Variants in OSBPL8 observed in about 807,000 individuals in gnomAD.
OSBPL8 encodes oxysterol-binding protein-related protein 8.
In OSBPL8, 59 loss-of-function variants were observed where a neutral mutation model predicts 125.5. The observed-to-expected ratio is 0.47, with a 90% confidence interval of 0.38 to 0.58. The LOEUF (loss-of-function observed/expected upper bound fraction) is 0.58, where lower values mean the gene tolerates loss of function less well. Ranked by LOEUF, OSBPL8 falls within the 20% of genes least tolerant of loss-of-function variation. The probability of loss-of-function intolerance (pLI) is 0.00; values close to 1 mark genes in which losing one functional copy is unlikely to be tolerated. For synonymous variants in OSBPL8, 330 were observed against 338.9 expected (o/e 0.97, Z 0.29); for missense variants, 758 against 1,047.8 (o/e 0.72, Z 3.82).
intron 4 of OSBPL8, among the ~76,000 whole-genome samples, chr12:76,414,889 T>C (rs1440057972): frequency 1.3e-5 from 2 of 152,208 alleles, no homozygotes; most frequent in East Asian, 3.8e-4. Flanking sequence ...CTGCTTTTAA[T>C]CTGTTAGTGT....
chr12:76,426,039 G>A (rs925765576), intron 4 of OSBPL8, among the ~76,000 whole-genome samples: 26 of 152,252 alleles, frequency 1.7e-4, no homozygotes, highest in African/African-American at 6.3e-4. Flanking sequence ...GAGGCCAATG[G>A]CCTGAGGCTG....
intron 1 of OSBPL8, among the ~76,000 whole-genome samples, chr12:76,542,059 T>C (rs1950659220): frequency 6.6e-6 from 1 of 151,682 alleles, no homozygotes; most frequent in Non-Finnish European, 1.5e-5. Flanking sequence ...TAATCCCAGC[T>C]ACACGGGAGG....
chr12:76,371,580 C>T lies in OSBPL8; in HGVS notation c.1922G>A (p.Ser641Asn), dbSNP rs1181920276. 6.3e-7 allele frequency: 1 copy of T among 1,589,546 alleles called. No homozygotes were observed. The highest frequency in any genetic ancestry group is 8.6e-7 in the Non-Finnish European group (1 of 1,167,460). The change falls in exon 19 of 24, where the codon AGT becomes AAT. Residue 641 changes from serine to asparagine, a missense_variant. Ser to Asn is a conservative substitution (Grantham distance 46). Coordinates refer to ENST00000261183, the MANE Select transcript of OSBPL8 (RefSeq NM_020841.5). ...VLATLEGHWD[S>N]EVFITDKKTD... ...CTTTTTATCAGTAATAAAAACTTCACTATCCTATATTTAAAAAAATTCAAA... is the reference window on the plus strand; with the variant it reads ...CTTTTTATCAGTAATAAAAACTTCATTATCCTATATTTAAAAAAATTCAAA...
intron 1 of OSBPL8, among the ~76,000 whole-genome samples, chr12:76,525,946 G>A (rs1950159106): frequency 6.6e-6 from 1 of 152,196 alleles, no homozygotes; most frequent in South Asian, 2.1e-4. Flanking sequence ...TCCCTGAAGG[G>A]AGAGTTACTA....
chr12:76,372,840 T>C (rs1952670702), intron 18 of OSBPL8, among the ~76,000 whole-genome samples: 1 of 152,166 alleles, frequency 6.6e-6, no homozygotes, highest in Non-Finnish European at 1.5e-5. Context: ...ATAACTCTAA[T>C]TGGAACTATG....
At chr12:76,479,548 TAAAG>T (rs1246543401) in intron 2 of OSBPL8, among the ~76,000 whole-genome samples, 2 of 152,232 alleles carry the variant, frequency 1.3e-5, no homozygotes, top group East Asian at 1.9e-4. Context: ...TATTACCACA[TAAAG>T]AGAGAGAATC....
chr12:76,395,369 T>C (rs1953747809), intron 8 of OSBPL8, among the ~76,000 whole-genome samples: 1 of 152,204 alleles, frequency 6.6e-6, no homozygotes, highest in Non-Finnish European at 1.5e-5. Flanking sequence ...GAAAACTAAG[T>C]ACTGAATTTA....
At chr12:76,453,195 G>C (rs1328684546) in intron 3 of OSBPL8, among the ~76,000 whole-genome samples, 1 of 151,970 alleles carries the variant, frequency 6.6e-6, no homozygotes. Context: ...CTCAGGTCCT[G>C]GTAAACTTCC....
chr12:76,447,789 CA>C (rs1872890458), intron 4 of OSBPL8, among the ~76,000 whole-genome samples: 1 of 152,124 alleles, frequency 6.6e-6, no homozygotes, highest in Non-Finnish European at 1.5e-5. Context: ...TCAGGTAATC[CA>C]CCCGCCTTGG....
chr12:76,390,352 C>T (rs1356567307), intron 11 of OSBPL8, 68 bp downstream of exon 11: 4 of 1,178,674 alleles, frequency 3.4e-6, no homozygotes, highest in African/African-American at 1.5e-5. Flanking sequence ...CAAATAATAT[C>T]TTCAATTTCA....
chr12:76,537,568 C>G (rs74105510), intron 1 of OSBPL8, among the ~76,000 whole-genome samples: 1,637 of 152,098 alleles, frequency 0.011, 38 homozygotes, highest in African/African-American at 0.038. Context: ...TGAGAGAAAT[C>G]TACAGAAATG....
intron 1 of OSBPL8, among the ~76,000 whole-genome samples, chr12:76,533,310 A>C (rs150097645): frequency 6.6e-6 from 1 of 152,298 alleles, no homozygotes; most frequent in Non-Finnish European, 1.5e-5. Flanking sequence ...GGAGAAAAAA[A>C]TGTTTACTCA....
chr12:76,379,413 C>G (rs2136234669), intron 15 of OSBPL8, among the ~76,000 whole-genome samples: 1 of 152,182 alleles, frequency 6.6e-6, no homozygotes, highest in East Asian at 1.9e-4. Context: ...AGTAACTAAC[C>G]CATTTTAAGT....
intron 3 of OSBPL8, among the ~76,000 whole-genome samples, chr12:76,452,657 C>T (rs1451995897): frequency 2.0e-5 from 3 of 152,214 alleles, no homozygotes; most frequent in Non-Finnish European, 4.4e-5. Flanking sequence ...GAAATATCCT[C>T]ACTGGCTTCC....
At chr12:76,549,166 C>A (rs1319361473) in intron 1 of OSBPL8, among the ~76,000 whole-genome samples, 2 of 151,908 alleles carry the variant, frequency 1.3e-5, no homozygotes, top group Non-Finnish European at 2.9e-5. Flanking sequence ...CAACTGCCTA[C>A]TGAAAAGCAA....
chr12:76,510,152 G>C (rs1335318480), intron 1 of OSBPL8, among the ~76,000 whole-genome samples: 1 of 152,140 alleles, frequency 6.6e-6, no homozygotes, highest in African/African-American at 2.4e-5. Context: ...TGAACTAGAA[G>C]GGTGTCCAAA....
At chr12:76,486,668 C>T (rs1016760733) in intron 2 of OSBPL8, among the ~76,000 whole-genome samples, 4 of 152,176 alleles carry the variant, frequency 2.6e-5, no homozygotes, top group East Asian at 1.9e-4. Flanking sequence ...CTGCTACCCA[C>T]TACTTGTTTA....
intron 2 of OSBPL8, among the ~76,000 whole-genome samples, chr12:76,480,036 G>T (rs943790095): frequency 6.6e-6 from 1 of 151,432 alleles, no homozygotes; most frequent in Non-Finnish European, 1.5e-5. Flanking sequence ...GCATGGTGGC[G>T]CATGCCTGTA....
chr12:76,465,962 C>T (rs1042129302), intron 2 of OSBPL8, among the ~76,000 whole-genome samples: 1 of 151,772 alleles, frequency 6.6e-6, no homozygotes, highest in Non-Finnish European at 1.5e-5. Context: ...GCCGAGATCA[C>T]ACCACTGCAC....
Sources: gnomAD v4.1 joint callset for allele counts (sites outside exome capture counted in the v4.1 genomes callset) on GRCh38, gnomAD v4.1.1 for gene constraint, MANE v1.5 for transcripts, NCBI Gene and HGNC (gene_info 2026-07-23, HGNC 2026-07-21) for gene names.